The following SNTG2 variants were observed in gnomAD, a reference collection of about 807,000 sequenced individuals.
The protein encoded by SNTG2 is syntrophin gamma 2, also known as gamma-2-syntrophin.
A neutral mutation model predicts 70.9 loss-of-function variants in SNTG2; 74 were observed. The observed-to-expected ratio is 1.04, with a 90% confidence interval of 0.86 to 1.27. SNTG2 has a LOEUF of 1.27. Among genes scored for constraint, SNTG2 ranks in the 50% most tolerant of loss-of-function variants. The pLI, the probability that SNTG2 is intolerant of heterozygous loss-of-function variation, is 0.00. For missense variants in SNTG2, 717 were observed against 690.7 expected, an observed-to-expected ratio of 1.04 and a Z score of -0.43; for synonymous variants, 278 against 273.8, an observed-to-expected ratio of 1.02 and a Z score of -0.15.
At chr2:952,081 A>G (rs936036786) in intron 1 of SNTG2, among the ~76,000 whole-genome samples, 1 of 152,238 alleles carries the variant, frequency 6.6e-6, no homozygotes. Flanking sequence ...ATCTTCATTC[A>G]AGTAGCACCT....
At chr2:1,202,505 C>A (rs563110700) in intron 8 of SNTG2, among the ~76,000 whole-genome samples, 3 of 151,962 alleles carry the variant, frequency 2.0e-5, no homozygotes, top group South Asian at 4.2e-4. Flanking sequence ...AGAATTTGTT[C>A]AACAGAGTAG....
intron 8 of SNTG2, among the ~76,000 whole-genome samples, chr2:1,191,217 A>G (rs1339188212): frequency 1.3e-5 from 2 of 152,176 alleles, no homozygotes; most frequent in Admixed American, 6.5e-5. Context: ...TTTTCATATC[A>G]GATGATGTTG....
At chr2:981,591 G>A (rs1661097919) in intron 1 of SNTG2, among the ~76,000 whole-genome samples, 1 of 151,860 alleles carries the variant, frequency 6.6e-6, no homozygotes, top group Non-Finnish European at 1.5e-5. Flanking sequence ...TCAAGGACAT[G>A]CCTGTGCCCA....
chr2:1,106,069 G>A lies in SNTG2; in HGVS notation c.325+7659G>A, dbSNP rs1396464283. Among the ~76,000 whole-genome samples, 605 of 140,648 alleles carry A rather than the reference G, an allele frequency of 4.3e-3. 4 individuals carry two copies. Among genetic ancestry groups the A allele is most frequent in the African/African-American group, 0.016 (564 of 35,860 alleles). The allele number at this position is 140,648 out of a possible 152,430, so 92.3% of individuals were successfully genotyped here. On this transcript the variant is annotated intron_variant, in intron 4 of 16. Transcript: ENST00000308624. The stretch of plus-strand genomic sequence containing the variant: ...GGGTATGGAGAGCTCCTTGGTAATA[G>A]TGGACACCTGCTGTCACTCGGGTGC...
intron 9 of SNTG2, among the ~76,000 whole-genome samples, chr2:1,224,241 G>T (rs1208478691): frequency 6.6e-6 from 1 of 152,202 alleles, no homozygotes; most frequent in East Asian, 1.9e-4. Context: ...AATCCACTGG[G>T]AATTTGACCC....
chr2:1,179,384 C>T (rs1398369515), intron 8 of SNTG2, among the ~76,000 whole-genome samples: 1 of 152,090 alleles, frequency 6.6e-6, no homozygotes, highest in Non-Finnish European at 1.5e-5. Flanking sequence ...GATACAAAAT[C>T]AATGTGCAAA....
At chr2:1,329,136 G>T (rs1409533034) in intron 16 of SNTG2, among the ~76,000 whole-genome samples, 1 of 151,934 alleles carries the variant, frequency 6.6e-6, no homozygotes, top group Non-Finnish European at 1.5e-5. Flanking sequence ...TTAGAAGTGG[G>T]ACATATTTGT....
At chr2:1,362,016 C>T (rs1015205508) in intron 16 of SNTG2, among the ~76,000 whole-genome samples, 6 of 150,896 alleles carry the variant, frequency 4.0e-5, no homozygotes, top group Admixed American at 3.9e-4. Context: ...TTCAGTAGAA[C>T]TTCCATGAAA....
intron 9 of SNTG2, among the ~76,000 whole-genome samples, chr2:1,237,001 G>T (rs1676703945): frequency 6.6e-6 from 1 of 151,206 alleles, no homozygotes; most frequent in Admixed American, 6.6e-5. Context: ...GGAGTGCAGT[G>T]GTGTGATCTC....
At chr2:1,283,238 C>T (rs903715931) in intron 14 of SNTG2, among the ~76,000 whole-genome samples, 1 of 152,168 alleles carries the variant, frequency 6.6e-6, no homozygotes, top group South Asian at 2.1e-4. Flanking sequence ...CTGGTGGTCA[C>T]CCTCCGAAGT....
At chr2:1,268,365 G>A (rs894518134) in intron 14 of SNTG2, among the ~76,000 whole-genome samples, 1 of 152,144 alleles carries the variant, frequency 6.6e-6, no homozygotes, top group Non-Finnish European at 1.5e-5. Context: ...AAACTATTCT[G>A]TGTTATTTAT....
intron 9 of SNTG2, among the ~76,000 whole-genome samples, chr2:1,236,586 A>C (rs192108859): frequency 6.6e-6 from 1 of 152,272 alleles, no homozygotes; most frequent in Admixed American, 6.5e-5. Context: ...ACAAGTAGAT[A>C]AACCTCACAT....
intron 9 of SNTG2, among the ~76,000 whole-genome samples, chr2:1,228,070 CTG>C (rs990266429): frequency 3.9e-5 from 6 of 152,186 alleles, no homozygotes; most frequent in Non-Finnish European, 1.5e-5. Flanking sequence ...GAGTGCTGCA[CTG>C]TGTGGACTGA....
chr2:1,058,773 T>C lies in SNTG2; in HGVS notation c.73-24745T>C, dbSNP rs942425034. Among the ~76,000 whole-genome samples, 13 of 152,342 alleles carry C rather than the reference T, an allele frequency of 8.5e-5. No individual in the cohort carries two copies. The South Asian group carries it at 1.7e-3, about 19-fold the overall frequency. On this transcript the variant is annotated intron_variant, in intron 1 of 16. Transcript: ENST00000308624. ...CATCTCAAGCACCATCAAAAACATC[T>C]GGTTGTACCTAACTAATGGCACCTG...
intron 1 of SNTG2, among the ~76,000 whole-genome samples, chr2:1,042,196 T>C (rs1343276652): frequency 3.3e-5 from 5 of 152,224 alleles, no homozygotes; most frequent in Admixed American, 6.5e-5. Flanking sequence ...CTTGGGACTT[T>C]ACATTTCCTT....
At chr2:1,266,424 A>G (rs1678737809) in intron 13 of SNTG2, among the ~76,000 whole-genome samples, 1 of 152,218 alleles carries the variant, frequency 6.6e-6, no homozygotes, top group Admixed American at 6.5e-5. Flanking sequence ...CGAGTGATTA[A>G]TAGACGTGCT....
At chr2:1,099,854 T>C (rs1392019843) in intron 4 of SNTG2, among the ~76,000 whole-genome samples, 1 of 152,200 alleles carries the variant, frequency 6.6e-6, no homozygotes, top group Non-Finnish European at 1.5e-5. Context: ...CGGGTAAAGA[T>C]TCTTTTTCGG....
At chr2:1,082,308 C>G (rs1664376664) in intron 1 of SNTG2, among the ~76,000 whole-genome samples, 2 of 152,120 alleles carry the variant, frequency 1.3e-5, no homozygotes, top group Admixed American at 1.3e-4. Flanking sequence ...TTTTTAAATC[C>G]TTTTGCTCAG....
chr2:1,158,686 G>A (rs1181579503), intron 6 of SNTG2, among the ~76,000 whole-genome samples: 1 of 152,172 alleles, frequency 6.6e-6, no homozygotes, highest in Non-Finnish European at 1.5e-5. Context: ...AGAATTAAAG[G>A]TGTGTGCAGG....
Sources: gnomAD v4.1 joint callset for allele counts (sites outside exome capture counted in the v4.1 genomes callset) on GRCh38, gnomAD v4.1.1 for gene constraint, MANE v1.5 for transcripts, NCBI Gene and HGNC (gene_info 2026-07-23, HGNC 2026-07-21) for gene names.